Variants in CACNA1C observed in about 807,000 individuals in gnomAD.
The protein encoded by CACNA1C is voltage-dependent L-type calcium channel subunit alpha-1C.
Under a neutral mutation model 229.0 loss-of-function variants are expected in CACNA1C, and 30 were observed. The ratio of observed to expected loss-of-function variants is 0.13; its 90% CI spans 0.10 to 0.18. The LOEUF is 0.18. CACNA1C is among the 10% of genes least tolerant of loss of function. CACNA1C has a pLI of 1.00. For synonymous variants in CACNA1C, 1,114 were observed against 1,132.5 expected (o/e 0.98, Z 0.33); for missense variants, 1,658 against 2,845.0 (o/e 0.58, Z 9.49).
chr12:2,369,398 C>T (rs1295517869), intron 3 of CACNA1C, among the ~76,000 whole-genome samples: 3 of 128,046 alleles, frequency 2.3e-5, no homozygotes, highest in Non-Finnish European at 5.4e-5. Context: ...AATAACTTTA[C>T]ATACCTTTTT....
At chr12:2,587,998 C>T (rs966535773) in intron 18 of CACNA1C, among the ~76,000 whole-genome samples, 1 of 152,180 alleles carries the variant, frequency 6.6e-6, no homozygotes, top group African/African-American at 2.4e-5. Context: ...CTGGTGGCCC[C>T]ACACATCACT....
chr12:2,611,949 A>G lies in CACNA1C; in HGVS notation c.3764A>G (p.Asn1255Ser), dbSNP rs2078031779. The G allele has an allele frequency of 6.2e-7, 1 of 1,613,664 alleles. No individual in the cohort carries two copies. The highest frequency in any genetic ancestry group is 1.7e-5 in the Admixed American group (1 of 59,986). ...CLFKIAMNIL[N>S]MLFTGLFTVE... ...TTCAAAATCGCCATGAACATCCTCAACATGCTCTTCACTGGCCTCTTCACC... is the reference window on the plus strand; with the variant it reads ...TTCAAAATCGCCATGAACATCCTCAGCATGCTCTTCACTGGCCTCTTCACC... Residue 1255 changes from asparagine (N) to serine (S), a missense_variant, in exon 29 of 47, where the codon AAC (asparagine) becomes AGC (serine). This residue lies in a region of CACNA1C where 67 missense variants were observed against 106.4 expected (regional missense o/e 0.63). Transcript: ENST00000399655.
At chr12:2,515,994 G>A (rs56721334) in intron 9 of CACNA1C, among the ~76,000 whole-genome samples, 1,646 of 151,994 alleles carry the variant, frequency 0.011, 30 homozygotes, top group African/African-American at 0.038. Flanking sequence ...CCCTGCCCTC[G>A]TGGAACTTAG....
rs2099705488 is a variant in CACNA1C, at chr12:2,488,484, T to A, written c.916+2222T>A. Among the ~76,000 whole-genome samples the A allele has an allele frequency of 6.6e-6, 1 of 152,208 alleles. No homozygotes were observed. The highest frequency in any genetic ancestry group is 2.1e-4 in the South Asian group (1 of 4,824). On this transcript the variant is annotated intron_variant, in intron 6 of 46. Transcript: ENST00000399655. The surrounding 1 kb of genome is among the most constrained non-coding windows in gnomAD (Gnocchi z 4.0). ...CTTCTCTTAGGACAAAGATAAGACTTGGCCTCCCCAATTGGAATGGCCAAT... is the reference window on the plus strand; with the variant it reads ...CTTCTCTTAGGACAAAGATAAGACTAGGCCTCCCCAATTGGAATGGCCAAT...
chr12:2,362,435 GT>G (rs2097581011), intron 3 of CACNA1C, among the ~76,000 whole-genome samples: 2 of 152,154 alleles, frequency 1.3e-5, no homozygotes, highest in South Asian at 4.1e-4. Flanking sequence ...AATCCTACAT[GT>G]TTTTGTGGCA....
At chr12:2,686,076 C>G (rs1369004920) in intron 44 of CACNA1C, 90 bp from the exon 45 acceptor site, 6 of 1,088,258 alleles carry the variant, frequency 5.5e-6, no homozygotes, top group African/African-American at 1.5e-5. Flanking sequence ...GCCATAGTTA[C>G]TGCTCCTGGC....
intron 1 of CACNA1C, among the ~76,000 whole-genome samples, chr12:1,980,139 C>T (rs1484696164): frequency 6.6e-6 from 1 of 152,132 alleles, no homozygotes; most frequent in African/African-American, 2.4e-5. Flanking sequence ...GATAGGCATA[C>T]ATATCCACCT....
At chr12:2,642,843 T>G (rs1569004368) in intron 30 of CACNA1C, among the ~76,000 whole-genome samples, 1 of 152,218 alleles carries the variant, frequency 6.6e-6, no homozygotes, top group Non-Finnish European at 1.5e-5. Context: ...CAGGGGAAGA[T>G]GAAACTCCCA....
chr12:2,106,437 G>T (rs1407904730), intron 1 of CACNA1C, among the ~76,000 whole-genome samples: 1 of 81,182 alleles, frequency 1.2e-5, no homozygotes, highest in Admixed American at 1.1e-4. Context: ...CCCACCCTGG[G>T]GAGGGTTTCC....
Position 2,027,660 on chromosome 12 carries a change from C to CCTT in CACNA1C, c.139+56461_139+56463dup, listed in dbSNP as rs1198486505. On this transcript the variant is annotated intron_variant, in intron 1 of 46. Coordinates refer to the CACNA1C transcript ENST00000682462. ...GCGTGGGCATTTAAAGCGGAAAGTC[C>CCTT]CTTCCCTGGAGGCTCACTCTGATCT... Among the ~76,000 whole-genome samples the CCTT allele has an allele frequency of 2.6e-5, 4 of 152,264 alleles. No individual in the cohort carries two copies. The East Asian group carries it at 7.7e-4, about 29-fold the overall frequency.
intron 10 of CACNA1C, among the ~76,000 whole-genome samples, chr12:2,552,702 T>C (rs1395325824): frequency 6.6e-6 from 1 of 152,010 alleles, no homozygotes; most frequent in Non-Finnish European, 1.5e-5. Context: ...AGGGCTGTGT[T>C]GTGTGTGTGT....
chr12:2,189,228 A>C (rs2097140628), intron 3 of CACNA1C, among the ~76,000 whole-genome samples: 1 of 151,734 alleles, frequency 6.6e-6, no homozygotes, highest in South Asian at 2.1e-4. Flanking sequence ...CATTGTGTGG[A>C]TCTGGTGTAA....
intron 1 of CACNA1C, chr12:1,991,128 T>C (rs537981436): frequency 2.2e-6 from 1 of 456,198 alleles, no homozygotes; most frequent in South Asian, 1.5e-5. Flanking sequence ...TACCTTTAAT[T>C]TGCATCCATG....
chr12:2,596,166 C>T, intron 20 of CACNA1C, 163 bp downstream of exon 20: 2 of 587,286 alleles, frequency 3.4e-6, no homozygotes, highest in Non-Finnish European at 2.8e-6. Flanking sequence ...GATAGAAAAC[C>T]ACCCTAGGAC....
chr12:2,406,898 T>G (rs2098743593), intron 3 of CACNA1C, among the ~76,000 whole-genome samples: 1 of 152,200 alleles, frequency 6.6e-6, no homozygotes, highest in East Asian at 1.9e-4. Flanking sequence ...AAGCCTTCCC[T>G]TACAGCTGCT....
At chr12:2,529,065 TAGA>T (rs976613067) in intron 9 of CACNA1C, among the ~76,000 whole-genome samples, 2 of 152,232 alleles carry the variant, frequency 1.3e-5, no homozygotes, top group African/African-American at 4.8e-5. Flanking sequence ...AGGAGGCTTG[TAGA>T]AGTTTAGTTA....
intron 1 of CACNA1C, among the ~76,000 whole-genome samples, chr12:2,046,445 A>G (rs1594311997): frequency 6.6e-6 from 1 of 152,284 alleles, no homozygotes. Flanking sequence ...CCCATTTTGC[A>G]GATGAGCAAA....
chr12:2,230,413 A>C (rs1313037068), intron 3 of CACNA1C, among the ~76,000 whole-genome samples: 1 of 152,216 alleles, frequency 6.6e-6, no homozygotes. Flanking sequence ...GCCTGGAAGC[A>C]CAGTCAGCCC....
intron 1 of CACNA1C, among the ~76,000 whole-genome samples, chr12:2,062,458 T>C (rs1375452336): frequency 6.6e-6 from 1 of 152,192 alleles, no homozygotes; most frequent in African/African-American, 2.4e-5. Context: ...CTGTTACTTC[T>C]CCCCATGGAG....
Sources: gnomAD v4.1 joint callset for allele counts (sites outside exome capture counted in the v4.1 genomes callset) on GRCh38, gnomAD v4.1.1 for gene constraint, gnomAD v4.1.1 regional missense constraint, Gnocchi (gnomAD v3.1) non-coding constraint, MANE v1.5 for transcripts, NCBI Gene and HGNC (gene_info 2026-07-23, HGNC 2026-07-21) for gene names.